KCNK2: variants seen among roughly 807,000 people sequenced by gnomAD.
KCNK2 encodes the protein potassium channel subfamily K member 2.
A neutral mutation model predicts 40.5 loss-of-function variants in KCNK2; 21 were observed. That is an observed-to-expected ratio of 0.52 (90% CI 0.37 to 0.75). The LOEUF is 0.75. KCNK2 is among the 30% of genes least tolerant of loss of function. The pLI is 0.00. For synonymous variants in KCNK2, 191 were observed against 202.2 expected (o/e 0.94, Z 0.47); for missense variants, 399 against 531.6 (o/e 0.75, Z 2.45).
intron 3 of KCNK2, among the ~76,000 whole-genome samples, chr1:215,124,967 A>G: frequency 6.6e-6 from 1 of 152,346 alleles, no homozygotes; most frequent in East Asian, 1.9e-4. Flanking sequence ...TTTAAAATAC[A>G]TGTGAAACAG....
chr1:215,107,831 A>G (rs1660501787), intron 2 of KCNK2, among the ~76,000 whole-genome samples: 1 of 152,162 alleles, frequency 6.6e-6, no homozygotes, highest in Non-Finnish European at 1.5e-5. Context: ...TATTTGAAAA[A>G]CAATAGTACA....
chr1:215,230,524 T>TATATATACACATAACAGCC (rs1445871978), intron 6 of KCNK2, among the ~76,000 whole-genome samples: 8 of 89,626 alleles, frequency 8.9e-5, no homozygotes, highest in African/African-American at 2.8e-4. Flanking sequence ...TATATATATA[T>TATATATACACATAACAGCC]ATATATATGT....
chr1:215,168,286 G>A (rs996120506), intron 3 of KCNK2, among the ~76,000 whole-genome samples: 2 of 152,130 alleles, frequency 1.3e-5, no homozygotes, highest in African/African-American at 4.8e-5. Flanking sequence ...CTTTGTGGAA[G>A]ACAGTGTGGT....
intron 5 of KCNK2, among the ~76,000 whole-genome samples, chr1:215,173,373 T>G (rs1650281175): frequency 6.6e-6 from 1 of 152,236 alleles, no homozygotes; most frequent in African/African-American, 2.4e-5. Flanking sequence ...CTATCATTGT[T>G]GGACATTTGG....
At chr1:215,205,666 C>A (rs1469757155) in intron 6 of KCNK2, among the ~76,000 whole-genome samples, 1 of 152,118 alleles carries the variant, frequency 6.6e-6, no homozygotes, top group Non-Finnish European at 1.5e-5. Flanking sequence ...TGAGCAGAGT[C>A]CCCTGCTGAC....
In KCNK2 at chr1:215,034,447, G is replaced by A. The variant is rs117239615; in HGVS notation, c.34+28492G>A. 8.7e-4 allele frequency among the ~76,000 whole-genome samples: 132 copies of A among 152,008 alleles called. No homozygotes were observed. The East Asian group carries it at 0.018, about 21-fold the overall frequency. Reference sequence around the variant, plus strand: ...TTTCTCTTGGTTCAATAGTAAGAATGGAGTAGTTGAATCCTAATGTAAGCA... The same window carrying A: ...TTTCTCTTGGTTCAATAGTAAGAATAGAGTAGTTGAATCCTAATGTAAGCA... On this transcript the variant is annotated intron_variant, in intron 1 of 6. Transcript: ENST00000391895.
intron 1 of KCNK2, among the ~76,000 whole-genome samples, chr1:215,053,899 G>A (rs929930785): frequency 1.3e-5 from 2 of 152,144 alleles, no homozygotes; most frequent in African/African-American, 4.8e-5. Context: ...GCCGGGAGGC[G>A]GAGGTTGCAG....
At chr1:215,094,931 T>C (rs897792656) in intron 2 of KCNK2, among the ~76,000 whole-genome samples, 4 of 152,122 alleles carry the variant, frequency 2.6e-5, no homozygotes, top group Non-Finnish European at 4.4e-5. Context: ...AATTTTCGTA[T>C]ATTTCAAAAT....
rs529688599 is a variant in KCNK2 at position 215,009,476 on chromosome 1, T to C, written c.34+3521T>C. Among the ~76,000 whole-genome samples, 4 of 152,268 alleles carry C rather than the reference T, an allele frequency of 2.6e-5. No individual in the cohort carries two copies. The South Asian group carries it at 8.3e-4, about 32-fold the overall frequency. On this transcript the variant is annotated intron_variant, in intron 1 of 6. Transcript: ENST00000391895. ...TATATATCATTTCATTTTATCTCAC[T>C]TTGAAGTGGAGAGAGAAGCTATGTT...
At chr1:215,029,897 T>G (rs1657126514) in intron 1 of KCNK2, among the ~76,000 whole-genome samples, 1 of 152,134 alleles carries the variant, frequency 6.6e-6, no homozygotes, top group South Asian at 2.1e-4. Flanking sequence ...GGTTTTTGTG[T>G]GGACATGTTT....
At chr1:215,209,460 T>G (rs1233316842) in intron 6 of KCNK2, among the ~76,000 whole-genome samples, 1 of 4,280 alleles carries the variant, frequency 2.3e-4, no homozygotes. Flanking sequence ...ATATTATATA[T>G]TATATATAAT....
chr1:215,044,274 T>C (rs750468181), intron 1 of KCNK2, among the ~76,000 whole-genome samples: 2 of 152,152 alleles, frequency 1.3e-5, no homozygotes, highest in Non-Finnish European at 1.5e-5. Flanking sequence ...ATAAATATTA[T>C]ACCCTTCTTG....
In KCNK2 at chr1:215,031,245, G is replaced by A. The variant is rs181172626; in HGVS notation, c.34+25290G>A. Among the ~76,000 whole-genome samples, 9 of 152,244 alleles carry A rather than the reference G, an allele frequency of 5.9e-5. No individual in the cohort carries two copies. The East Asian group carries it at 1.7e-3, about 29-fold the overall frequency. On this transcript the variant is annotated intron_variant, in intron 1 of 6. Coordinates refer to the KCNK2 transcript ENST00000391895. ...CTTTTGCATCACCATATAAACTTAA[G>A]CATCAGTTTGTCGATAGCCACTGGG... is the stretch of plus-strand genomic sequence containing the variant.
intron 3 of KCNK2, among the ~76,000 whole-genome samples, chr1:215,141,719 C>G (rs1047491651): frequency 1.3e-5 from 2 of 152,010 alleles, no homozygotes; most frequent in Non-Finnish European, 2.9e-5. Flanking sequence ...TTTATTGTCT[C>G]CTGGCAACTG....
intron 6 of KCNK2, among the ~76,000 whole-genome samples, chr1:215,226,017 T>G (rs1265375194): frequency 2.0e-5 from 3 of 152,188 alleles, no homozygotes. Flanking sequence ...CCTATCAATC[T>G]TATGTACTTC....
chr1:215,211,836 A>T (rs1246827876), intron 6 of KCNK2, among the ~76,000 whole-genome samples: 3 of 152,146 alleles, frequency 2.0e-5, no homozygotes, highest in African/African-American at 4.8e-5. Flanking sequence ...CTAGATTTTC[A>T]TCTCTGTCAA....
intron 1 of KCNK2, among the ~76,000 whole-genome samples, chr1:215,012,117 T>C (rs1224524728): frequency 6.6e-6 from 1 of 152,176 alleles, no homozygotes; most frequent in Non-Finnish European, 1.5e-5. Flanking sequence ...TAACGTGCCC[T>C]GGACATAGTT....
intron 6 of KCNK2, among the ~76,000 whole-genome samples, chr1:215,198,500 A>C (rs79706919): frequency 0.024 from 3,598 of 152,290 alleles, 121 homozygotes; most frequent in African/African-American, 0.08. Flanking sequence ...AAAATTTCTA[A>C]AGCAATGGAA....
At chr1:215,019,926 A>T (rs1204444666) in intron 1 of KCNK2, among the ~76,000 whole-genome samples, 1 of 149,442 alleles carries the variant, frequency 6.7e-6, no homozygotes, top group Non-Finnish European at 1.5e-5. Context: ...TTAGATATAG[A>T]GGGTACATGA....
Sources: allele counts gnomAD v4.1 joint callset (sites outside exome capture counted in the v4.1 genomes callset), GRCh38; gene constraint gnomAD v4.1.1; transcripts MANE v1.5; gene names NCBI Gene and HGNC (gene_info 2026-07-23, HGNC 2026-07-21).